The following ADCY8 variants were observed in gnomAD, a reference collection of about 807,000 sequenced individuals.
ADCY8 encodes adenylate cyclase 8.
Under a neutral mutation model 119.7 loss-of-function variants are expected in ADCY8, and 51 were observed. The ratio of observed to expected loss-of-function variants is 0.43; its 90% CI spans 0.34 to 0.54. The LOEUF (loss-of-function observed/expected upper bound fraction) is 0.54, where lower values mean the gene tolerates loss of function less well. Among genes scored for constraint, ADCY8 ranks in the 20% least tolerant of loss-of-function variants. ADCY8 has a pLI of 0.03. For missense variants in ADCY8, 1,383 were observed against 1,598.8 expected (o/e 0.87, Z 2.30); for synonymous variants, 665 against 651.0 (o/e 1.02, Z -0.33).
chr8:130,868,043 T>C, intron 8 of ADCY8, 97 bp from the exon 9 acceptor site: 1 of 761,020 alleles, frequency 1.3e-6, no homozygotes, highest in South Asian at 2.0e-5. Context: ...ATTAGATTTT[T>C]TTTAAATTAA....
intron 2 of ADCY8, among the ~76,000 whole-genome samples, chr8:130,974,707 A>G (rs1440759601): frequency 1.3e-5 from 2 of 152,198 alleles, no homozygotes; most frequent in Non-Finnish European, 2.9e-5. Flanking sequence ...CTAATGATTT[A>G]ATTTCCCAGA....
At chr8:130,808,569 C>T (rs928981878) in intron 14 of ADCY8, among the ~76,000 whole-genome samples, 8 of 152,096 alleles carry the variant, frequency 5.3e-5, no homozygotes, top group Non-Finnish European at 1.0e-4. Context: ...TATCATTTGC[C>T]ATTGGTCATA....
In ADCY8 at chr8:130,884,598, G is replaced by A. The variant is rs1042926370; in HGVS notation, c.2075C>T (p.Ser692Leu). Residue 692 changes from serine (S) to leucine (L), a missense_variant, in exon 8 of 18, where the codon TCA (serine) becomes TTA (leucine). Coordinates refer to ENST00000286355, the MANE Select transcript of ADCY8 (RefSeq NM_001115.3). ...CAGGCTGGAGTCTTTAAACATCAGT[G>A]AGAATGGCTTGATATGCTCTCTTCT... ...KLRREHIKPF[S>L]LMFKDSSLEH... The A allele has an allele frequency of 1.2e-6, 2 of 1,613,870 alleles. No homozygotes were observed. The highest frequency in any genetic ancestry group is 2.2e-5 in the South Asian group (2 of 91,082).
intron 5 of ADCY8, among the ~76,000 whole-genome samples, chr8:130,929,869 C>T (rs1311165750): frequency 1.3e-5 from 2 of 152,294 alleles, no homozygotes; most frequent in Admixed American, 1.3e-4. Flanking sequence ...TGAATCATCC[C>T]TTTATCATTA....
intron 8 of ADCY8, 54 bp from the exon 9 acceptor site, chr8:130,868,000 A>T: frequency 8.6e-7 from 1 of 1,166,424 alleles, no homozygotes; most frequent in Non-Finnish European, 1.2e-6. Flanking sequence ...GCAGTGTTTG[A>T]GGTTGAGGGA....
chr8:130,936,847 A>G (rs1820802156), intron 5 of ADCY8, among the ~76,000 whole-genome samples: 1 of 152,232 alleles, frequency 6.6e-6, no homozygotes, highest in Non-Finnish European at 1.5e-5. Context: ...CATTTGTAAT[A>G]CAAACTTGTA....
chr8:130,988,070 C>A (rs1279986388), intron 2 of ADCY8, among the ~76,000 whole-genome samples: 1 of 152,174 alleles, frequency 6.6e-6, no homozygotes, highest in African/African-American at 2.4e-5. Context: ...CATTGATGGG[C>A]AAACTAAGAC....
intron 5 of ADCY8, among the ~76,000 whole-genome samples, chr8:130,920,987 T>G (rs1820284250): frequency 6.6e-6 from 1 of 152,222 alleles, no homozygotes; most frequent in South Asian, 2.1e-4. Context: ...GTGAACCAAT[T>G]TCTTAAAACA....
At chr8:131,016,708 G>C (rs1385925936) in intron 1 of ADCY8, among the ~76,000 whole-genome samples, 1 of 152,094 alleles carries the variant, frequency 6.6e-6, no homozygotes, top group South Asian at 2.1e-4. Flanking sequence ...GAAAGAGAGA[G>C]AGAGTATGTG....
At chr8:130,806,783 C>T (rs192906639) in intron 14 of ADCY8, among the ~76,000 whole-genome samples, 1 of 152,158 alleles carries the variant, frequency 6.6e-6, no homozygotes, top group African/African-American at 2.4e-5. Context: ...CACCTGGGTG[C>T]CTGAGGGCCT....
At chr8:130,962,447 T>C (rs1182906998) in intron 2 of ADCY8, among the ~76,000 whole-genome samples, 1 of 152,176 alleles carries the variant, frequency 6.6e-6, no homozygotes, top group African/African-American at 2.4e-5. Flanking sequence ...CACATCTTTT[T>C]CTCCCTGAGT....
intron 9 of ADCY8, among the ~76,000 whole-genome samples, chr8:130,862,459 C>A (rs1215919892): frequency 6.6e-6 from 1 of 152,186 alleles, no homozygotes; most frequent in Non-Finnish European, 1.5e-5. Context: ...CTCTCCCAGG[C>A]TGAATTGCAG....
chr8:130,988,528 G>C (rs1046235322), intron 2 of ADCY8, among the ~76,000 whole-genome samples: 6 of 152,162 alleles, frequency 3.9e-5, no homozygotes, highest in African/African-American at 9.7e-5. Flanking sequence ...AGAAGAGAAA[G>C]ATATTGGCCC....
At chr8:130,825,945 G>A (rs950073326) in intron 12 of ADCY8, among the ~76,000 whole-genome samples, 1 of 152,128 alleles carries the variant, frequency 6.6e-6, no homozygotes, top group Non-Finnish European at 1.5e-5. Flanking sequence ...AATTATCCTG[G>A]AGGACTACTT....
chr8:131,002,459 G>C (rs1029617984), intron 1 of ADCY8, among the ~76,000 whole-genome samples: 42 of 152,184 alleles, frequency 2.8e-4, no homozygotes, highest in African/African-American at 1.0e-3. Flanking sequence ...GCAGAGATAA[G>C]AGGAAGGACA....
chr8:130,868,509 C>T (rs1474133879), intron 8 of ADCY8, among the ~76,000 whole-genome samples: 1 of 152,172 alleles, frequency 6.6e-6, no homozygotes, highest in Non-Finnish European at 1.5e-5. Context: ...CTCAAGGCAG[C>T]CCTGGGGAAT....
Position 131,029,131 on chromosome 8 carries a change from G to C in ADCY8, c.960+10243C>G, listed in dbSNP as rs144788361. On this transcript the variant is annotated intron_variant, in intron 1 of 17. Coordinates refer to ENST00000286355, the MANE Select transcript of ADCY8 (RefSeq NM_001115.3). ...GTGGTGGCATTAGATTCTCATAGGA[G>C]TTCAAACCCTATTGTGAACTGCACA... is the stretch of plus-strand genomic sequence containing the variant. 5.6e-4 allele frequency among the ~76,000 whole-genome samples: 85 copies of C among 152,316 alleles called. 1 individual carries two copies. Among genetic ancestry groups the C allele is most frequent in the African/African-American group, 1.9e-3 (79 of 41,568 alleles).
chr8:130,822,600 AG>A (rs1367064971), intron 12 of ADCY8, among the ~76,000 whole-genome samples: 2 of 151,468 alleles, frequency 1.3e-5, no homozygotes, highest in African/African-American at 4.9e-5. Flanking sequence ...CCATCCTTCC[AG>A]CCATCCACCA....
chr8:131,034,176 A>T (rs533520738), intron 1 of ADCY8, among the ~76,000 whole-genome samples: 2 of 152,128 alleles, frequency 1.3e-5, no homozygotes, highest in African/African-American at 4.8e-5. Context: ...ATTACATGCC[A>T]TTTGTTGTAC....
Sources: gnomAD v4.1 joint callset for allele counts (sites outside exome capture counted in the v4.1 genomes callset) on GRCh38, gnomAD v4.1.1 for gene constraint, MANE v1.5 for transcripts, NCBI Gene and HGNC (gene_info 2026-07-23, HGNC 2026-07-21) for gene names.